The following MKX variants were observed in gnomAD, a reference collection of about 807,000 sequenced individuals.
MKX encodes the protein mohawk homeobox.
MKX carries 13 observed loss-of-function variants against 36.0 expected under a neutral mutation model. The observed-to-expected ratio is 0.36, with a 90% CI of 0.24 to 0.57. The LOEUF (loss-of-function observed/expected upper bound fraction) is 0.57. Among genes scored for constraint, MKX ranks in the 20% least tolerant of loss-of-function variants. The probability of loss-of-function intolerance (pLI) is 0.79; values close to 1 mark genes in which losing one functional copy is unlikely to be tolerated. For missense variants in MKX, 458 were observed against 456.4 expected (o/e 1.00, Z -0.03); for synonymous variants, 176 against 178.3 (o/e 0.99, Z 0.10).
chr10:27,728,834 G>GA (rs2132628781), intron 5 of MKX, among the ~76,000 whole-genome samples: 2 of 152,254 alleles, frequency 1.3e-5, no homozygotes, highest in South Asian at 4.1e-4. Context: ...TATGAGCCAA[G>GA]AAAAATGGTT....
chr10:27,737,664 G>C (rs1834808423), intron 3 of MKX, among the ~76,000 whole-genome samples: 1 of 152,084 alleles, frequency 6.6e-6, no homozygotes, highest in Admixed American at 6.6e-5. Flanking sequence ...TCTCCAGCAA[G>C]AGTGTTTTTG....
intron 5 of MKX, among the ~76,000 whole-genome samples, chr10:27,720,314 A>G (rs1301212079): frequency 6.6e-6 from 1 of 151,802 alleles, no homozygotes; most frequent in East Asian, 1.9e-4. Flanking sequence ...GTGCAAGGAG[A>G]CCATTAGGAA....
At chr10:27,743,068 A>G (rs1248487319) in intron 2 of MKX, among the ~76,000 whole-genome samples, 160 bp downstream of exon 2, 5 of 152,154 alleles carry the variant, frequency 3.3e-5, no homozygotes, top group Non-Finnish European at 7.4e-5. Context: ...GCCCCTTAAC[A>G]TGAGAATGCG....
chr10:27,716,250 A>T (rs541792886), intron 5 of MKX, among the ~76,000 whole-genome samples: 1 of 152,096 alleles, frequency 6.6e-6, no homozygotes, highest in African/African-American at 2.4e-5. Flanking sequence ...TATGTGTGAT[A>T]AACATTCATC....
chr10:27,672,925 GT>G lies in MKX; in HGVS notation c.*2303del, dbSNP rs1564338546. On this transcript the variant is annotated 3_prime_UTR_variant, in exon 7 of 7. Transcript: ENST00000419761. ...TTAAATCTGTCAAGAACTCCTGGCA[GT>G]TATTAATTTTATTAAAATGATTACA... The G allele has an allele frequency of 6.6e-6, 1 of 152,122 alleles. No individual in the cohort carries two copies. 9.4% of individuals were successfully genotyped at this position (152,122 alleles called of 1,614,324 possible). A position where few individuals can be genotyped will look rare whatever the true frequency, so the allele number is the denominator to read the frequency against.
At chr10:27,716,436 C>CAAAAAAAAAAAAAA (rs56913373) in intron 5 of MKX, among the ~76,000 whole-genome samples, 1 of 127,674 alleles carries the variant, frequency 7.8e-6, no homozygotes, top group Admixed American at 8.6e-5. Flanking sequence ...AAAAAAAAAG[C>CAAAAAAAAAAAAAA]AAAAAAAAAA....
At chr10:27,675,458 C>T in intron 6 of MKX, 43 bp from the exon 7 acceptor site, 1 of 1,613,888 alleles carries the variant, frequency 6.2e-7, no homozygotes, top group Non-Finnish European at 8.5e-7. Context: ...AAACTCACTG[C>T]AGTTTGCATT....
chr10:27,687,753 T>C (rs1285315543), intron 5 of MKX, among the ~76,000 whole-genome samples: 1 of 152,256 alleles, frequency 6.6e-6, no homozygotes. Flanking sequence ...AAAGGCTCCA[T>C]CTTCCCCAAG....
At chr10:27,701,868 A>C (rs1836665033) in intron 5 of MKX, among the ~76,000 whole-genome samples, 2 of 150,610 alleles carry the variant, frequency 1.3e-5, no homozygotes, top group Non-Finnish European at 1.5e-5. Context: ...GAATGTTTTC[A>C]AATGTACATG....
At chr10:27,735,114 C>G in intron 4 of MKX, 107 bp downstream of exon 4, 1 of 1,057,146 alleles carries the variant, frequency 9.5e-7, no homozygotes, top group Non-Finnish European at 1.3e-6. Flanking sequence ...AAAAAAGAAC[C>G]GTTAAGGCAC....
chr10:27,693,202 G>A (rs910072055), intron 5 of MKX, among the ~76,000 whole-genome samples: 1 of 152,164 alleles, frequency 6.6e-6, no homozygotes, highest in Non-Finnish European at 1.5e-5. Flanking sequence ...GCTGAGAGAT[G>A]AGCTGGGCTT....
chr10:27,677,184 C>A (rs1221368353), intron 5 of MKX, among the ~76,000 whole-genome samples: 1 of 152,160 alleles, frequency 6.6e-6, no homozygotes, highest in Non-Finnish European at 1.5e-5. Flanking sequence ...TACTGGGGAG[C>A]TACTGCACTT....
At position 27,734,484 on chromosome 10, in the gene MKX, T is replaced by C; in HGVS notation, c.810A>G (p.Glu270=). Residue 270 remains glutamate, a synonymous_variant, in exon 5 of 7, where the codon GAA becomes GAG. Coordinates refer to ENST00000419761, the MANE Select transcript of MKX (RefSeq NM_173576.3). ...EEELVSPSSS[E]TEGNFVYRTD... ...TGCGATAGACAAAGTTGCCTTCAGTTTCTGATGACGATGGAGACACTAATT... is the reference window on the plus strand; with the variant it reads ...TGCGATAGACAAAGTTGCCTTCAGTCTCTGATGACGATGGAGACACTAATT... 6.2e-7 allele frequency: 1 copy of C among 1,614,170 alleles called. No homozygotes were observed. The highest frequency in any genetic ancestry group is 1.7e-4 in the Middle Eastern group (1 of 6,060).
intron 5 of MKX, among the ~76,000 whole-genome samples, chr10:27,704,244 A>G (rs994122486): frequency 6.6e-6 from 1 of 152,190 alleles, no homozygotes; most frequent in African/African-American, 2.4e-5. Context: ...AGGATTCTAC[A>G]TCCTAGAAAT....
At chr10:27,720,642 A>T (rs1007947124) in intron 5 of MKX, among the ~76,000 whole-genome samples, 1 of 152,172 alleles carries the variant, frequency 6.6e-6, no homozygotes, top group Non-Finnish European at 1.5e-5. Context: ...ATGGAAAGAG[A>T]ATGCCTTAAC....
intron 5 of MKX, among the ~76,000 whole-genome samples, chr10:27,692,345 T>C (rs12763062): frequency 0.22 from 33,476 of 152,174 alleles, 4,291 homozygotes; most frequent in Middle Eastern, 0.35. Flanking sequence ...CTATGACATA[T>C]AAATCTGGGA....
chr10:27,694,527 A>AAAATAT (rs547670335), intron 5 of MKX, among the ~76,000 whole-genome samples: 1,457 of 114,276 alleles, frequency 0.013, 32 homozygotes, highest in African/African-American at 0.044. Flanking sequence ...AAAAAAAAAA[A>AAAATAT]ATATATATAT....
rs529959736 is a variant in MKX at position 27,685,443 on chromosome 10, A to AT, written c.839-9890dup. Among the ~76,000 whole-genome samples the AT allele has an allele frequency of 6.3e-3, 715 of 112,780 alleles. 6 individuals are homozygous for AT. Among genetic ancestry groups the AT allele is most frequent in the South Asian group, 0.02 (65 of 3,216 alleles). The allele number at this position is 112,780 out of a possible 152,430, so 74.0% of individuals were successfully genotyped here. On this transcript the variant is annotated intron_variant, in intron 5 of 6. Transcript: ENST00000419761. ...TCTTCTTTATACTTTCAGCAGAGTG[A>AT]TTTTTTTTTTTTTTTTTTTTTTTGA...
chr10:27,716,683 T>A (rs887685243), intron 5 of MKX, among the ~76,000 whole-genome samples: 1 of 152,150 alleles, frequency 6.6e-6, no homozygotes, highest in Non-Finnish European at 1.5e-5. Context: ...AGCGGTACAT[T>A]TTTTTGTACT....
Sources: allele counts gnomAD v4.1 joint callset (sites outside exome capture counted in the v4.1 genomes callset), GRCh38; gene constraint gnomAD v4.1.1; transcripts MANE v1.5; gene names NCBI Gene and HGNC (gene_info 2026-07-23, HGNC 2026-07-21).